CNTN5: variants seen among roughly 807,000 people sequenced by gnomAD.
CNTN5 encodes the protein contactin 5, also known as contactin-5.
Under a neutral mutation model 129.1 loss-of-function variants are expected in CNTN5, and 77 were observed. The observed-to-expected ratio is 0.60, with a 90% CI of 0.50 to 0.72. The LOEUF is 0.72. CNTN5 is among the 30% of genes least tolerant of loss of function. The pLI is 0.00. For synonymous variants in CNTN5, 509 were observed against 465.6 expected (o/e 1.09, Z -1.20); for missense variants, 1,478 against 1,328.8 (o/e 1.11, Z -1.75).
intron 2 of CNTN5, among the ~76,000 whole-genome samples, chr11:99,513,528 C>T (rs540057104): frequency 5.0e-4 from 76 of 152,218 alleles, no homozygotes; most frequent in African/African-American, 1.6e-3. Context: ...CAGGCAGCCT[C>T]TCTTGTTAAG....
At chr11:99,779,489 A>C (rs1945239096) in intron 3 of CNTN5, among the ~76,000 whole-genome samples, 1 of 151,988 alleles carries the variant, frequency 6.6e-6, no homozygotes, top group Non-Finnish European at 1.5e-5. Flanking sequence ...AATCTTGTTA[A>C]CTTTCCAGAA....
intron 17 of CNTN5, among the ~76,000 whole-genome samples, chr11:100,267,278 CACAG>C (rs916486224): frequency 8.1e-5 from 11 of 136,492 alleles, no homozygotes; most frequent in African/African-American, 3.0e-4. Context: ...CACACACACA[CACAG>C]AGAGAGAGAG....
At chr11:99,627,465 A>AC (rs1951173195) in intron 3 of CNTN5, among the ~76,000 whole-genome samples, 1 of 151,872 alleles carries the variant, frequency 6.6e-6, no homozygotes, top group Non-Finnish European at 1.5e-5. Context: ...AATGTGAGAA[A>AC]AAACTACACC....
At chr11:99,989,456 CT>C (rs908397224) in intron 8 of CNTN5, among the ~76,000 whole-genome samples, 7 of 151,428 alleles carry the variant, frequency 4.6e-5, no homozygotes, top group Non-Finnish European at 7.4e-5. Context: ...AAAGTACCAA[CT>C]TTTTTTTTCT....
rs1952560069 is a variant in CNTN5, at chr11:100,357,868, T to C, written c.*1648T>C. On this transcript the variant is annotated 3_prime_UTR_variant, in exon 25 of 25. Coordinates refer to ENST00000524871, the MANE Select transcript of CNTN5 (RefSeq NM_014361.4). ...TCTGTATGTAGGTTACATATTCTCT[T>C]TGGGGAAATGATGTAAGACACCCTA... The C allele has an allele frequency of 6.6e-6, 1 of 151,692 alleles. No homozygotes were observed. The highest frequency in any genetic ancestry group is 2.4e-5 in the African/African-American group (1 of 41,396). 9.4% of individuals were successfully genotyped at this position (151,692 alleles called of 1,614,324 possible).
chr11:99,041,330 C>A (rs1591091449), intron 1 of CNTN5, among the ~76,000 whole-genome samples: 1 of 152,114 alleles, frequency 6.6e-6, no homozygotes, highest in African/African-American at 2.4e-5. Flanking sequence ...ATTTCTATCA[C>A]CTTCTTTCTT....
intron 2 of CNTN5, among the ~76,000 whole-genome samples, chr11:99,353,397 G>GT (rs1407237531): frequency 6.6e-6 from 1 of 152,174 alleles, no homozygotes; most frequent in African/African-American, 2.4e-5. Context: ...TCTTGATCCA[G>GT]TTGAGTGTAT....
intron 9 of CNTN5, among the ~76,000 whole-genome samples, chr11:100,019,144 A>G (rs934056184): frequency 6.6e-6 from 1 of 151,884 alleles, no homozygotes; most frequent in Admixed American, 6.6e-5. Context: ...CAAGTTTTAA[A>G]TTTTGATGAA....
intron 1 of CNTN5, among the ~76,000 whole-genome samples, chr11:99,084,068 C>T (rs1264504400): frequency 6.6e-6 from 1 of 152,170 alleles, no homozygotes; most frequent in African/African-American, 2.4e-5. Flanking sequence ...GAAACCCTTA[C>T]TGAAGTATTG....
At chr11:99,875,536 A>G (rs1167978713) in intron 6 of CNTN5, among the ~76,000 whole-genome samples, 1 of 152,110 alleles carries the variant, frequency 6.6e-6, no homozygotes, top group African/African-American at 2.4e-5. Context: ...TAAAATGTGG[A>G]TGATATGTGT....
chr11:100,260,385 A>G (rs192233149), intron 17 of CNTN5, among the ~76,000 whole-genome samples: 113 of 152,346 alleles, frequency 7.4e-4, no homozygotes, highest in African/African-American at 1.9e-3. Flanking sequence ...AGATGGTACC[A>G]TTCCTTCTGA....
At chr11:99,397,410 A>C (rs764615572) in intron 2 of CNTN5, among the ~76,000 whole-genome samples, 8 of 151,776 alleles carry the variant, frequency 5.3e-5, no homozygotes, top group Non-Finnish European at 1.2e-4. Flanking sequence ...GTCATTATGC[A>C]CTTAAGGAGT....
At chr11:100,334,080 C>A (rs1000144630) in intron 21 of CNTN5, among the ~76,000 whole-genome samples, 4 of 151,836 alleles carry the variant, frequency 2.6e-5, no homozygotes, top group African/African-American at 4.8e-5. Flanking sequence ...CTCAAGTCAG[C>A]AAGAAGAAAA....
intron 7 of CNTN5, among the ~76,000 whole-genome samples, chr11:99,951,417 G>A (rs566444301): frequency 6.6e-5 from 10 of 151,850 alleles, no homozygotes; most frequent in Non-Finnish European, 1.3e-4. Flanking sequence ...CTTGATCTCA[G>A]TTCCCACCCC....
At chr11:99,452,781 A>C (rs1944356671) in intron 2 of CNTN5, among the ~76,000 whole-genome samples, 1 of 152,178 alleles carries the variant, frequency 6.6e-6, no homozygotes, top group African/African-American at 2.4e-5. Flanking sequence ...TGAATCAAGA[A>C]AATGATTATT....
At chr11:99,114,886 T>C (rs1324037894) in intron 1 of CNTN5, among the ~76,000 whole-genome samples, 1 of 152,202 alleles carries the variant, frequency 6.6e-6, no homozygotes, top group South Asian at 2.1e-4. Flanking sequence ...ATGTTAAGTC[T>C]TAATGCCTAG....
intron 3 of CNTN5, among the ~76,000 whole-genome samples, chr11:99,739,454 C>T (rs1426301941): frequency 3.9e-5 from 6 of 151,984 alleles, no homozygotes; most frequent in South Asian, 4.1e-4. Flanking sequence ...TTTGCCTTTA[C>T]GTTATCTGAA....
At chr11:99,777,112 G>C (rs1206465939) in intron 3 of CNTN5, among the ~76,000 whole-genome samples, 1 of 151,730 alleles carries the variant, frequency 6.6e-6, no homozygotes, top group African/African-American at 2.4e-5. Flanking sequence ...TAACTTTAAA[G>C]AAATTAAGTT....
chr11:99,365,381 A>T (rs1212368463), intron 2 of CNTN5, among the ~76,000 whole-genome samples: 4 of 152,198 alleles, frequency 2.6e-5, no homozygotes, highest in African/African-American at 9.6e-5. Context: ...TACTTTTAGA[A>T]AGTGGTATAG....
Sources: allele counts gnomAD v4.1 joint callset (sites outside exome capture counted in the v4.1 genomes callset), GRCh38; gene constraint gnomAD v4.1.1; transcripts MANE v1.5; gene names NCBI Gene and HGNC (gene_info 2026-07-23, HGNC 2026-07-21).